Variants in SYNPR observed in about 807,000 individuals in gnomAD.
SYNPR encodes the protein synaptoporin.
SYNPR carries 23 observed loss-of-function variants against 32.9 expected under a neutral mutation model. The observed-to-expected ratio is 0.70, with a 90% CI of 0.50 to 0.99. The LOEUF is 0.99. Among genes scored for constraint, SYNPR ranks in the 50% least tolerant of loss-of-function variants. The pLI is 0.00. For missense variants in SYNPR, 318 were observed against 349.3 expected (o/e 0.91, Z 0.71); for synonymous variants, 146 against 135.9 (o/e 1.07, Z -0.52).
chr3:63,393,067 A>G (rs1371828847), intron 2 of SYNPR, among the ~76,000 whole-genome samples: 4 of 152,156 alleles, frequency 2.6e-5, no homozygotes, highest in Admixed American at 2.0e-4. Context: ...TTGTTCTACA[A>G]CTTGGACTCA....
intron 2 of SYNPR, among the ~76,000 whole-genome samples, chr3:63,354,693 G>A (rs2087551718): frequency 1.3e-5 from 2 of 152,260 alleles, no homozygotes; most frequent in South Asian, 2.1e-4. Context: ...TTACAAAGAC[G>A]CCTGACATAG....
intron 3 of SYNPR, among the ~76,000 whole-genome samples, chr3:63,487,946 C>T (rs1701186281): frequency 6.6e-6 from 1 of 152,064 alleles, no homozygotes; most frequent in Admixed American, 6.5e-5. Context: ...AGCACCATTC[C>T]CCCGCTCATG....
At chr3:63,493,815 C>CAAAAAAAA (rs3083190) in intron 3 of SYNPR, among the ~76,000 whole-genome samples, 8 of 75,094 alleles carry the variant, frequency 1.1e-4, no homozygotes, top group African/African-American at 3.3e-4. Flanking sequence ...GACTCTGTCT[C>CAAAAAAAA]AAAAAAAAAA....
intron 2 of SYNPR, among the ~76,000 whole-genome samples, chr3:63,445,852 A>G (rs1011842716): frequency 1.3e-5 from 2 of 152,212 alleles, no homozygotes; most frequent in Non-Finnish European, 2.9e-5. Flanking sequence ...AATGATTTCC[A>G]GGGACCTATA....
At chr3:63,308,128 T>G (rs1330399098) in intron 2 of SYNPR, among the ~76,000 whole-genome samples, 1 of 152,044 alleles carries the variant, frequency 6.6e-6, no homozygotes, top group Non-Finnish European at 1.5e-5. Flanking sequence ...GCATTTAAGT[T>G]GAGAGATGAA....
intron 3 of SYNPR, among the ~76,000 whole-genome samples, chr3:63,524,430 A>C (rs1234542392): frequency 6.6e-6 from 1 of 152,168 alleles, no homozygotes; most frequent in African/African-American, 2.4e-5. Context: ...CGAAGGAGAA[A>C]GTTTGGCAGG....
chr3:63,555,985 T>C (rs1329311618), intron 3 of SYNPR, among the ~76,000 whole-genome samples: 2 of 152,186 alleles, frequency 1.3e-5, no homozygotes, highest in African/African-American at 2.4e-5. Context: ...TCAGGAGATG[T>C]TGAGCTGATG....
Position 63,340,971 on chromosome 3 carries a change from A to T in SYNPR, c.84+62229A>T, listed in dbSNP as rs1232235094. On this transcript the variant is annotated intron_variant, in intron 2 of 5. Coordinates refer to ENST00000478300, the MANE Select transcript of SYNPR (RefSeq NM_001130003.2). ...GTCAAATGCATGAGGTCGTGTATGCACATTTACAGTGTCATACAGAATAGT... is the reference window on the plus strand; with the variant it reads ...GTCAAATGCATGAGGTCGTGTATGCTCATTTACAGTGTCATACAGAATAGT... 2.0e-5 allele frequency among the ~76,000 whole-genome samples: 3 copies of T among 152,210 alleles called. No individual in the cohort carries two copies. In the East Asian group the frequency reaches 5.8e-4, roughly 29 times the overall value.
chr3:63,321,966 T>G (rs373141536), intron 2 of SYNPR, among the ~76,000 whole-genome samples: 1 of 152,018 alleles, frequency 6.6e-6, no homozygotes, highest in South Asian at 2.1e-4. Flanking sequence ...AGTTTGAAAT[T>G]GTAACTGTTC....
chr3:63,394,330 T>A (rs2088184731), intron 2 of SYNPR, among the ~76,000 whole-genome samples: 2 of 152,218 alleles, frequency 1.3e-5, no homozygotes. Context: ...GAGCCTAACT[T>A]TAACCTTACT....
chr3:63,342,198 A>C (rs73108930), intron 2 of SYNPR, among the ~76,000 whole-genome samples: 6,264 of 152,238 alleles, frequency 0.041, 197 homozygotes, highest in South Asian at 0.079. Flanking sequence ...TTGGCTCTCT[A>C]TATTCTGTTC....
chr3:63,596,532 C>T, intron 4 of SYNPR, among the ~76,000 whole-genome samples: 1 of 152,192 alleles, frequency 6.6e-6, no homozygotes, highest in East Asian at 1.9e-4. Context: ...AGGATTGCCC[C>T]TGTGGGCCGC....
At chr3:63,476,777 C>G (rs1700936131) in intron 2 of SYNPR, among the ~76,000 whole-genome samples, 1 of 152,168 alleles carries the variant, frequency 6.6e-6, no homozygotes, top group Admixed American at 6.5e-5. Context: ...TCCAGAATAA[C>G]TCCCCTCAAA....
chr3:63,510,263 C>G (rs1701671283), intron 3 of SYNPR, among the ~76,000 whole-genome samples: 1 of 152,160 alleles, frequency 6.6e-6, no homozygotes, highest in African/African-American at 2.4e-5. Context: ...GTCACCCTAT[C>G]ACTGTATAAT....
chr3:63,541,575 T>C (rs1702304345), intron 3 of SYNPR, among the ~76,000 whole-genome samples: 1 of 152,072 alleles, frequency 6.6e-6, no homozygotes, highest in South Asian at 2.1e-4. Flanking sequence ...AATTTTTTCT[T>C]CATTAAAGGA....
intron 2 of SYNPR, among the ~76,000 whole-genome samples, chr3:63,264,170 T>C (rs1369149967): frequency 1.3e-5 from 2 of 152,138 alleles, no homozygotes; most frequent in Non-Finnish European, 2.9e-5. Context: ...TAGTTCAGAA[T>C]GTATAGCATG....
intron 2 of SYNPR, among the ~76,000 whole-genome samples, chr3:63,408,316 G>A (rs1575629221): frequency 3.2e-5 from 3 of 92,820 alleles, no homozygotes; most frequent in African/African-American, 1.6e-4. Flanking sequence ...AGGAAGGAAG[G>A]AAGGAAAGAA....
chr3:63,382,601 A>G (rs2087986509), intron 2 of SYNPR, among the ~76,000 whole-genome samples: 1 of 152,120 alleles, frequency 6.6e-6, no homozygotes, highest in Non-Finnish European at 1.5e-5. Context: ...TTCCATCTCC[A>G]TATCTGAGAT....
At chr3:63,543,605 T>G (rs895660844) in intron 3 of SYNPR, among the ~76,000 whole-genome samples, 4 of 152,124 alleles carry the variant, frequency 2.6e-5, no homozygotes, top group Non-Finnish European at 4.4e-5. Flanking sequence ...TTTTTGACCC[T>G]TCTATGACTA....
Sources: gnomAD v4.1 joint callset for allele counts (sites outside exome capture counted in the v4.1 genomes callset) on GRCh38, gnomAD v4.1.1 for gene constraint, MANE v1.5 for transcripts, NCBI Gene and HGNC (gene_info 2026-07-23, HGNC 2026-07-21) for gene names.